The following CELF2 variants were observed in gnomAD, a reference collection of about 807,000 sequenced individuals.
The protein encoded by CELF2 is CUG triplet repeat RNA-binding protein 2.
CELF2 carries 8 observed loss-of-function variants against 62.6 expected under a neutral mutation model. That is an observed-to-expected ratio of 0.13 (90% CI 0.07 to 0.23). The LOEUF (loss-of-function observed/expected upper bound fraction) is 0.23. Ranked by LOEUF, CELF2 falls within the 10% of genes least tolerant of loss-of-function variation. The probability of loss-of-function intolerance (pLI) is 1.00; values close to 1 mark genes in which losing one functional copy is unlikely to be tolerated. For missense variants in CELF2, 333 were observed against 671.0 expected (o/e 0.50, Z 5.56); for synonymous variants, 258 against 250.0 (o/e 1.03, Z -0.30).
chr10:10,911,160 T>A (rs1205063299), intron 1 of CELF2, among the ~76,000 whole-genome samples: 1 of 152,142 alleles, frequency 6.6e-6, no homozygotes, highest in Non-Finnish European at 1.5e-5. Flanking sequence ...CCCTTCCCAC[T>A]ATCTCGAAAT....
chr10:10,909,666 T>G (rs1207430077), intron 1 of CELF2, among the ~76,000 whole-genome samples: 1 of 152,248 alleles, frequency 6.6e-6, no homozygotes, highest in African/African-American at 2.4e-5. Context: ...TCACAAATAT[T>G]GGCATTGGCT....
At chr10:10,509,025 C>G in the CELF2 span, among the ~76,000 whole-genome samples, 2 of 151,998 alleles carry the variant, frequency 1.3e-5, no homozygotes, top group Non-Finnish European at 2.9e-5. Context: ...ATCTTGAATC[C>G]CAAAGTGGCT....
Position 11,315,280 on chromosome 10 carries a change from G to T in CELF2, c.1096+1022G>T, listed in dbSNP as rs1187386206. Among the ~76,000 whole-genome samples the T allele has an allele frequency of 6.6e-6, 1 of 152,126 alleles. No individual in the cohort carries two copies. The highest frequency in any genetic ancestry group is 1.9e-4 in the East Asian group (1 of 5,196). ...AGCTGCTGATACGGGAGCCCAGTTAGCTACCATGCAGCCCAGGCACCCCGG... is the reference window on the plus strand; with the variant it reads ...AGCTGCTGATACGGGAGCCCAGTTATCTACCATGCAGCCCAGGCACCCCGG... On this transcript the variant is annotated intron_variant, in intron 10 of 12. Coordinates refer to ENST00000633077, the MANE Select transcript of CELF2 (RefSeq NM_001326342.2). The surrounding 1 kb of genome is among the most constrained non-coding windows in gnomAD (Gnocchi z 5.8).
chr10:10,769,877 C>G, the CELF2 span, among the ~76,000 whole-genome samples: 1 of 152,122 alleles, frequency 6.6e-6, no homozygotes, highest in Non-Finnish European at 1.5e-5. Flanking sequence ...ATACATGACT[C>G]TGGCTAAAAA....
the CELF2 span, among the ~76,000 whole-genome samples, chr10:10,703,500 G>T: frequency 4.2e-3 from 634 of 152,318 alleles, 3 homozygotes; most frequent in Middle Eastern, 6.8e-3. Flanking sequence ...TACAGAATAT[G>T]ATACTGAAGA....
chr10:10,977,341 A>G (rs1454240666), intron 2 of CELF2, among the ~76,000 whole-genome samples: 1 of 152,214 alleles, frequency 6.6e-6, no homozygotes, highest in Non-Finnish European at 1.5e-5. Flanking sequence ...TTTGCCAGTT[A>G]TTTCCAAATA....
the CELF2 span, among the ~76,000 whole-genome samples, chr10:10,520,917 A>G: frequency 1.3e-5 from 2 of 152,206 alleles, no homozygotes; most frequent in Non-Finnish European, 2.9e-5. Flanking sequence ...ATGGAAACCA[A>G]ACAGATTAGT....
At chr10:10,672,551 A>G in the CELF2 span, among the ~76,000 whole-genome samples, 2 of 150,130 alleles carry the variant, frequency 1.3e-5, no homozygotes, top group African/African-American at 4.9e-5. Flanking sequence ...TGTTAAAAAT[A>G]TTATGTCTTC....
chr10:10,568,217 G>A, the CELF2 span, among the ~76,000 whole-genome samples: 14 of 152,126 alleles, frequency 9.2e-5, no homozygotes, highest in East Asian at 2.7e-3. Flanking sequence ...GATGGTAACT[G>A]CAGGAGGACA....
At chr10:10,996,791 T>C (rs2054000813) in intron 2 of CELF2, among the ~76,000 whole-genome samples, 3 of 152,186 alleles carry the variant, frequency 2.0e-5, no homozygotes, top group Non-Finnish European at 4.4e-5. Context: ...CTCAACTTTT[T>C]TCTGGGCTGG....
In CELF2 at chr10:11,197,027, A is replaced by AGAGAG. The variant is rs1406923666; in HGVS notation, c.272-20398_272-20397insGAGAG. On this transcript the variant is annotated intron_variant, in intron 2 of 12. Transcript: ENST00000633077. ...GAGAAAGAAAGAAAGAAAGAAAGAA[A>AGAGAG]AGAAAGAAAGAAAGAAAGAAAGAAA... Among the ~76,000 whole-genome samples, 17 of 37,050 alleles carry AGAGAG rather than the reference A, an allele frequency of 4.6e-4. 3 individuals carry two copies. Among genetic ancestry groups the AGAGAG allele is most frequent in the African/African-American group, 2.7e-3 (15 of 5,474 alleles). 24.3% of individuals were successfully genotyped at this position (37,050 alleles called of 152,430 possible).
chr10:11,203,469 A>G (rs1409800751), intron 2 of CELF2, among the ~76,000 whole-genome samples: 1 of 152,154 alleles, frequency 6.6e-6, no homozygotes, highest in Admixed American at 6.5e-5. Context: ...AAAGCCAAGC[A>G]TTCTCTTTGG....
intron 1 of CELF2, among the ~76,000 whole-genome samples, chr10:11,022,281 C>T (rs956414598): frequency 2.6e-5 from 4 of 152,060 alleles, no homozygotes; most frequent in Non-Finnish European, 5.9e-5. Context: ...AGAATTCATC[C>T]CACATTGGCT....
At chr10:11,053,159 A>G (rs1330990862) in intron 1 of CELF2, among the ~76,000 whole-genome samples, 2 of 152,238 alleles carry the variant, frequency 1.3e-5, no homozygotes, top group African/African-American at 4.8e-5. Flanking sequence ...ATCAACCATA[A>G]ACACTGTAAT....
intron 3 of CELF2, among the ~76,000 whole-genome samples, chr10:11,221,248 C>T (rs1276058994): frequency 6.6e-6 from 1 of 152,230 alleles, no homozygotes; most frequent in East Asian, 1.9e-4. Context: ...TTAAAGATAG[C>T]ATCCCTTCTT....
chr10:10,628,286 CT>C, the CELF2 span, among the ~76,000 whole-genome samples: 2 of 151,358 alleles, frequency 1.3e-5, no homozygotes, highest in African/African-American at 4.8e-5. Context: ...ATCCTCATGT[CT>C]CTAGAACCAA....
intron 4 of CELF2, 185 bp from the exon 5 acceptor site, chr10:11,257,552 AG>A (rs3832666): frequency 1.7e-6 from 1 of 576,370 alleles, no homozygotes. Flanking sequence ...AGGAAGCACC[AG>A]GTGGGAGGGA....
At chr10:10,790,075 CTGTT>C in the CELF2 span, among the ~76,000 whole-genome samples, 1,064 of 152,000 alleles carry the variant, frequency 7.0e-3, 15 homozygotes, top group African/African-American at 0.024. Flanking sequence ...ACTTTTCTGT[CTGTT>C]ATTTATTTTG....
At chr10:10,707,458 A>T in the CELF2 span, among the ~76,000 whole-genome samples, 1 of 152,232 alleles carries the variant, frequency 6.6e-6, no homozygotes, top group African/African-American at 2.4e-5. Context: ...TTGTCACTAA[A>T]TATTTGAATG....
Sources: gnomAD v4.1 joint callset for allele counts (sites outside exome capture counted in the v4.1 genomes callset) on GRCh38, gnomAD v4.1.1 for gene constraint, Gnocchi (gnomAD v3.1) non-coding constraint, MANE v1.5 for transcripts, NCBI Gene and HGNC (gene_info 2026-07-23, HGNC 2026-07-21) for gene names.